PCDHGB6: variants seen among roughly 807,000 people sequenced by gnomAD.
PCDHGB6 encodes the protein protocadherin gamma subfamily B, 6, also known as protocadherin gamma-B6.
In PCDHGB6, 51 loss-of-function variants were observed where a neutral mutation model predicts 59.1. That is an observed-to-expected ratio of 0.86 (90% CI 0.69 to 1.09). PCDHGB6 has a LOEUF of 1.09. Ranked by LOEUF, PCDHGB6 falls within the 50% of genes least tolerant of loss-of-function variation. The pLI is 0.00. For synonymous variants in PCDHGB6, 466 were observed against 495.1 expected (o/e 0.94, Z 0.78); for missense variants, 1,148 against 1,205.1 (o/e 0.95, Z 0.70).
chr5:141,443,163 T>C (rs1054542792), intron 1 of PCDHGB6, among the ~76,000 whole-genome samples: 3 of 152,172 alleles, frequency 2.0e-5, no homozygotes, highest in Non-Finnish European at 4.4e-5. Context: ...TTTATTTCCC[T>C]ACCCATGTCC....
At chr5:141,445,070 A>G (rs185808898) in intron 1 of PCDHGB6, among the ~76,000 whole-genome samples, 30 of 152,306 alleles carry the variant, frequency 2.0e-4, no homozygotes, top group African/African-American at 7.2e-4. Context: ...TATATTTCTC[A>G]TTAAATTGTC....
intron 1 of PCDHGB6, chr5:141,419,506 C>A (rs527369615): frequency 6.2e-6 from 10 of 1,612,352 alleles, no homozygotes; most frequent in Middle Eastern, 1.7e-4. Context: ...TGAGCCTGCG[C>A]GTGTTGGTGG....
chr5:141,492,224 T>C (rs2099738444), intron 1 of PCDHGB6, among the ~76,000 whole-genome samples: 1 of 152,134 alleles, frequency 6.6e-6, no homozygotes, highest in South Asian at 2.1e-4. Flanking sequence ...CTCATGCGTG[T>C]CCTCCCTGCT....
At chr5:141,439,183 ACT>A (rs1255299140) in intron 1 of PCDHGB6, among the ~76,000 whole-genome samples, 3 of 145,262 alleles carry the variant, frequency 2.1e-5, no homozygotes, top group Non-Finnish European at 3.0e-5. Context: ...ACATAGTGAG[ACT>A]CTGACAAAAA....
intron 1 of PCDHGB6, chr5:141,412,149 C>G (rs1369304212): frequency 2.0e-5 from 3 of 152,146 alleles, no homozygotes; most frequent in African/African-American, 7.2e-5. Flanking sequence ...TACAAACTGC[C>G]TAAGAGAAGA....
At chr5:141,474,998 T>C (rs1029967243) in intron 1 of PCDHGB6, among the ~76,000 whole-genome samples, 1 of 152,260 alleles carries the variant, frequency 6.6e-6, no homozygotes, top group Non-Finnish European at 1.5e-5. Context: ...CAATTCTAAA[T>C]GCAGAAAAGT....
chr5:141,432,069 A>T lies in PCDHGB6; in HGVS notation c.2418+21449A>T. ...ACCCCGCCCCTATCCACGGAAACTC[A>T]TATCTCGCTGAACGTGGCAGACACC... is the stretch of plus-strand genomic sequence containing the variant. On this transcript the variant is annotated intron_variant, in intron 1 of 3. Coordinates refer to ENST00000520790, the MANE Select transcript of PCDHGB6 (RefSeq NM_018926.3). This position sits in a 1 kb window ranked among gnomAD's most constrained non-coding sequence, Gnocchi z 6.0. The T allele has an allele frequency of 6.2e-7, 1 of 1,614,168 alleles. No homozygotes were observed. The highest frequency in any genetic ancestry group is 8.5e-7 in the Non-Finnish European group (1 of 1,180,038).
At position 141,490,219 on chromosome 5, in the gene PCDHGB6, C is replaced by T. The variant is rs771985398; in HGVS notation, c.2419-4588C>T. 2.5e-5 allele frequency: 41 copies of T among 1,614,094 alleles called. No individual in the cohort carries two copies. The highest frequency in any genetic ancestry group is 3.3e-5 in the Non-Finnish European group (39 of 1,180,038). On this transcript the variant is annotated intron_variant, in intron 1 of 3. Coordinates refer to ENST00000520790, the MANE Select transcript of PCDHGB6 (RefSeq NM_018926.3). This position sits in a 1 kb window ranked among gnomAD's most constrained non-coding sequence, Gnocchi z 5.4. ...TCATGCAAGAGCCCGTGACCAGGGA[C>T]AGCCTGCCATGGAGGGCCACTGTGT... is the stretch of plus-strand genomic sequence containing the variant.
At position 141,477,290 on chromosome 5, in the gene PCDHGB6, C is replaced by T; in HGVS notation, c.2419-17517C>T. 5 of 1,614,158 alleles carry T rather than the reference C, an allele frequency of 3.1e-6. No individual in the cohort carries two copies. In the South Asian group the frequency reaches 5.5e-5, roughly 18 times the overall value. On this transcript the variant is annotated intron_variant, in intron 1 of 3. Coordinates refer to ENST00000520790, the MANE Select transcript of PCDHGB6 (RefSeq NM_018926.3). The surrounding 1 kb of genome is among the most constrained non-coding windows in gnomAD (Gnocchi z 4.9). ...GAACGGGCTGGTGACCTGCGAAGTT[C>T]CACCGGGTCTCCCTTTCAGCCTTAC...
At chr5:141,498,973 GA>G (rs1161965842) in intron 2 of PCDHGB6, among the ~76,000 whole-genome samples, 8 of 11,660 alleles carry the variant, frequency 6.9e-4, no homozygotes, top group Admixed American at 4.8e-3. Flanking sequence ...GGGAGGGAGG[GA>G]AGGAAGGAAG....
chr5:141,496,144 T>C (rs1478887814), intron 2 of PCDHGB6, among the ~76,000 whole-genome samples: 1 of 151,780 alleles, frequency 6.6e-6, no homozygotes, highest in Non-Finnish European at 1.5e-5. Context: ...GAGCCTTTGA[T>C]CGCAGCTCTC....
chr5:141,410,596 T>C lies in PCDHGB6; in HGVS notation c.2394T>C (p.Thr798=). ...CACCTCATGGTGGGGAGGATTTGAC[T>C]TCACATCCTGAGACTCTGACTTCGG... ...LIPPHGGEDL[T]SHPETLTSQA... Residue 798 remains threonine, a synonymous_variant, in exon 1 of 4, where the codon ACT becomes ACC. Coordinates refer to ENST00000520790, the MANE Select transcript of PCDHGB6 (RefSeq NM_018926.3). 2 of 1,608,810 alleles carry C rather than the reference T, an allele frequency of 1.2e-6. No homozygotes were observed. The highest frequency in any genetic ancestry group is 1.7e-6 in the Non-Finnish European group (2 of 1,179,850).
chr5:141,476,476 C>A lies in PCDHGB6; in HGVS notation c.2419-18331C>A. On this transcript the variant is annotated intron_variant, in intron 1 of 3. Coordinates refer to ENST00000520790, the MANE Select transcript of PCDHGB6 (RefSeq NM_018926.3). The surrounding 1 kb of genome is among the most constrained non-coding windows in gnomAD (Gnocchi z 7.6). ...TGGAGAACCCGCTGGAGCTGTTCAG[C>A]GTGGAAGTGGTGATCCAGGACATCA... 6.2e-7 allele frequency: 1 copy of A among 1,613,986 alleles called. No individual in the cohort carries two copies. The highest frequency in any genetic ancestry group is 8.5e-7 in the Non-Finnish European group (1 of 1,179,992).
intron 1 of PCDHGB6, among the ~76,000 whole-genome samples, chr5:141,450,639 A>T (rs1390959433): frequency 6.6e-6 from 1 of 151,390 alleles, no homozygotes; most frequent in Non-Finnish European, 1.5e-5. Flanking sequence ...GATGCCTGCC[A>T]CCATGCCTGG....
chr5:141,457,336 C>T (rs1032184011), intron 1 of PCDHGB6, among the ~76,000 whole-genome samples: 6 of 152,158 alleles, frequency 3.9e-5, no homozygotes, highest in Admixed American at 3.3e-4. Context: ...AGGTACCTTA[C>T]TTACTTTCAT....
intron 1 of PCDHGB6, among the ~76,000 whole-genome samples, chr5:141,483,993 G>T (rs1307708919): frequency 6.8e-6 from 1 of 147,882 alleles, no homozygotes; most frequent in Non-Finnish European, 1.5e-5. Flanking sequence ...AGGTTGCTGG[G>T]AGGTCTGGAT....
At chr5:141,463,532 T>G (rs1237301892) in intron 1 of PCDHGB6, among the ~76,000 whole-genome samples, 1 of 133,692 alleles carries the variant, frequency 7.5e-6, no homozygotes, top group African/African-American at 2.8e-5. Flanking sequence ...TACTAGAAAC[T>G]CCGGCTCCCG....
In PCDHGB6 at chr5:141,432,596, G is replaced by T; in HGVS notation, c.2418+21976G>T. On this transcript the variant is annotated intron_variant, in intron 1 of 3. Transcript: ENST00000520790. This position sits in a 1 kb window ranked among gnomAD's most constrained non-coding sequence, Gnocchi z 6.0. The stretch of plus-strand genomic sequence containing the variant: ...GTCCTACCGTCTGCTCAAGGCCAGC[G>T]AGCCGGGACTCTTCTCGGTGGGTCT... 6.8e-6 allele frequency: 11 copies of T among 1,613,926 alleles called. No individual in the cohort carries two copies. The highest frequency in any genetic ancestry group is 9.3e-6 in the Non-Finnish European group (11 of 1,179,972).
chr5:141,408,430 C>T lies in PCDHGB6; in HGVS notation c.228C>T (p.Ser76=). The T allele has an allele frequency of 1.2e-6, 2 of 1,614,012 alleles. No homozygotes were observed. The highest frequency in any genetic ancestry group is 1.1e-5 in the South Asian group (1 of 91,082). The part of the protein sequence containing the change: ...LRVSAEKLHF[S]VDAESGDLLV... ...TGAGCGCGGAGAAGCTGCACTTCAG[C>T]GTAGACGCGGAGAGCGGGGACTTAC... is the stretch of plus-strand genomic sequence containing the variant. Residue 76 remains serine (S), a synonymous_variant, in exon 1 of 4, where the codon AGC becomes AGT. Coordinates refer to ENST00000520790, the MANE Select transcript of PCDHGB6 (RefSeq NM_018926.3).
Sources: allele counts gnomAD v4.1 joint callset (sites outside exome capture counted in the v4.1 genomes callset), GRCh38; gene constraint gnomAD v4.1.1; non-coding constraint Gnocchi (gnomAD v3.1); transcripts MANE v1.5; gene names NCBI Gene and HGNC (gene_info 2026-07-23, HGNC 2026-07-21).